ALG1: variants seen among roughly 807,000 people sequenced by gnomAD.
The protein encoded by ALG1 is ALG1 chitobiosyldiphosphodolichol beta-mannosyltransferase, also known as chitobiosyldiphosphodolichol beta-mannosyltransferase.
ALG1 carries 58 observed loss-of-function variants against 55.1 expected under a neutral mutation model. That is an observed-to-expected ratio of 1.05 (90% CI 0.85 to 1.31). The LOEUF is 1.31. Among genes scored for constraint, ALG1 ranks in the 50% most tolerant of loss-of-function variants. ALG1 has a pLI of 0.00. For missense variants in ALG1, 761 were observed against 598.6 expected, an observed-to-expected ratio of 1.27 and a Z score of -2.83; for synonymous variants, 309 against 247.0, an observed-to-expected ratio of 1.25 and a Z score of -2.35.
chr16:5,073,075 G>A (rs769670590), intron 2 of ALG1, 47 bp downstream of exon 2: 7 of 1,610,576 alleles, frequency 4.3e-6, no homozygotes, highest in Non-Finnish European at 5.9e-6. Context: ...TGGGCTGGGG[G>A]CAGGGGGTGT....
rs1322300828 is a variant in ALG1, at chr16:5,086,331, T to G, written c.*1450T>G. Among the ~76,000 whole-genome samples, 1 of 36,084 alleles carries G rather than the reference T, an allele frequency of 2.8e-5. No homozygotes were observed. The highest frequency in any genetic ancestry group is 6.3e-5 in the Non-Finnish European group (1 of 15,846). The allele number at this position is 36,084 out of a possible 152,430, so 23.7% of individuals were successfully genotyped here. ...GCCTGAGTGACAGGGTGAGACTAAG[T>G]CTCAAAAAAAAAAAAAAAAAACCAC... On this transcript the variant is annotated 3_prime_UTR_variant, in exon 13 of 13. Coordinates refer to ENST00000262374, the MANE Select transcript of ALG1 (RefSeq NM_019109.5).
chr16:5,080,075 T>TG (rs201264087), intron 9 of ALG1, among the ~76,000 whole-genome samples: 5 of 146,940 alleles, frequency 3.4e-5, no homozygotes, highest in Non-Finnish European at 7.6e-5. Flanking sequence ...ATTGGTGTCT[T>TG]TTTTTTTTTT....
At position 5,072,767 on chromosome 16, in the gene ALG1, T is replaced by G. The variant is rs8050532; in HGVS notation, c.209-184T>G. Reference sequence around the variant, plus strand: ...GTAAGATTCAGGCCCTATCTCTGTGTGCCTCCTAGAGCAATCTGAACAAGA... The same window carrying G: ...GTAAGATTCAGGCCCTATCTCTGTGGGCCTCCTAGAGCAATCTGAACAAGA... On this transcript the variant is annotated intron_variant, in intron 1 of 12. Coordinates refer to ENST00000262374, the MANE Select transcript of ALG1 (RefSeq NM_019109.5). 0.55 allele frequency among the ~76,000 whole-genome samples: 83,767 copies of G among 152,028 alleles called. 23,281 individuals carry two copies. The highest frequency in any genetic ancestry group is 0.69 in the South Asian group (3,349 of 4,826).
chr16:5,085,655 C>T lies in ALG1; in HGVS notation c.*774C>T, dbSNP rs140141371. On this transcript the variant is annotated 3_prime_UTR_variant, in exon 13 of 13. Transcript: ENST00000262374. ...TCCTACAGGGTGAGATTCAGCATTGCCATCTCCAAGTGCTCTTCGTAGGGA... is the reference window on the plus strand; with the variant it reads ...TCCTACAGGGTGAGATTCAGCATTGTCATCTCCAAGTGCTCTTCGTAGGGA... The T allele has an allele frequency of 1.2e-5, 20 of 1,610,724 alleles. 1 individual carries two copies. The African/African-American group carries it at 1.7e-4, about 14-fold the overall frequency.
intron 4 of ALG1, among the ~76,000 whole-genome samples, chr16:5,075,900 A>G (rs1264939656): frequency 1.3e-5 from 2 of 152,124 alleles, no homozygotes; most frequent in African/African-American, 2.4e-5. Flanking sequence ...TGATTGGCTC[A>G]TGTAGGTTAC....
intron 10 of ALG1, 103 bp from the exon 11 acceptor site, chr16:5,082,456 T>C (rs1345578676): frequency 4.8e-5 from 61 of 1,268,852 alleles, no homozygotes; most frequent in Non-Finnish European, 6.9e-5. Flanking sequence ...GGGGGCCTTA[T>C]CTGATTTTCA....
chr16:5,074,388 G>A (rs1369084295), intron 3 of ALG1, among the ~76,000 whole-genome samples: 2 of 152,020 alleles, frequency 1.3e-5, no homozygotes, highest in Admixed American at 6.5e-5. Context: ...GACCTCAGGT[G>A]ATCCACCTGC....
chr16:5,073,019 A>C lies in ALG1; in HGVS notation c.277A>C (p.Ser93Arg). The part of the protein sequence containing the change: ...IQIVGLTELQ[S>R]LAVGPRVFQY... Reference sequence around the variant, plus strand: ...GATTGTGGGGTTGACAGAACTTCAGAGTCTTGCAGGTAGGATGCCGTCAAC... The same window carrying C: ...GATTGTGGGGTTGACAGAACTTCAGCGTCTTGCAGGTAGGATGCCGTCAAC... Residue 93 changes from serine to arginine, a missense_variant, in exon 2 of 13, where the codon AGT (serine) becomes CGT (arginine). Ser to Arg is a moderately radical substitution (Grantham distance 110). Transcript: ENST00000262374. 6.2e-7 allele frequency: 1 copy of C among 1,614,184 alleles called. No individual in the cohort carries two copies. Among genetic ancestry groups the C allele is most frequent in the Non-Finnish European group, 8.5e-7 (1 of 1,180,022 alleles).
At chr16:5,081,946 A>G (rs1406600148) in intron 10 of ALG1, among the ~76,000 whole-genome samples, 1 of 151,728 alleles carries the variant, frequency 6.6e-6, no homozygotes, top group Non-Finnish European at 1.5e-5. Flanking sequence ...GTGGTTTATT[A>G]TTATTATCAT....
chr16:5,080,988 A>G lies in ALG1; in HGVS notation c.1004A>G (p.Gln335Arg). The part of the protein sequence containing the change: ...LREYYSRLIH[Q>R]KHFQHIQVCT... ...GAGTATTATAGCCGCCTCATCCACC[A>G]GAAGCACTTCCAGCACATCCAGGTC... Residue 335 changes from glutamine to arginine, a missense_variant, in exon 10 of 13, where the codon CAG becomes CGG. Transcript: ENST00000262374. 1.9e-6 allele frequency: 3 copies of G among 1,596,284 alleles called. No individual in the cohort carries two copies. Among genetic ancestry groups the G allele is most frequent in the Non-Finnish European group, 2.5e-6 (3 of 1,179,712 alleles).
intron 3 of ALG1, 104 bp downstream of exon 3, chr16:5,073,360 G>C: frequency 9.6e-7 from 1 of 1,043,274 alleles, no homozygotes; most frequent in East Asian, 2.5e-5. Flanking sequence ...TGTGTTGTGT[G>C]TATGGGCGTT....
At position 5,072,045 on chromosome 16, in the gene ALG1, C is replaced by T. The variant is rs753405851; in HGVS notation, c.196C>T (p.Leu66=). 8 of 1,582,052 alleles carry T rather than the reference C, an allele frequency of 5.1e-6. No individual in the cohort carries two copies. The highest frequency in any genetic ancestry group is 6.0e-6 in the Non-Finnish European group (7 of 1,164,268). Residue 66 remains leucine, a synonymous_variant, in exon 1 of 13, where the codon CTG becomes TTG. Transcript: ENST00000262374. ...CATGCACGGCTTCTCGGTGACCCTC[C>T]TGGGGTTCTGCAGTGAGTGGCCAAG... is the stretch of plus-strand genomic sequence containing the variant. The part of the protein sequence containing the change: ...LAMHGFSVTL[L]GFCNSKPHDE...
chr16:5,082,331 AAC>A (rs1404348693), intron 10 of ALG1, among the ~76,000 whole-genome samples: 6 of 134,388 alleles, frequency 4.5e-5, no homozygotes, highest in East Asian at 2.1e-4. Context: ...ACAACACAAC[AAC>A]AAAAAAACCA....
chr16:5,072,964 T>C lies in ALG1; in HGVS notation c.222T>C (p.His74=), dbSNP rs139803689. The C allele has an allele frequency of 1.9e-6, 3 of 1,614,176 alleles. No homozygotes were observed. The highest frequency in any genetic ancestry group is 2.5e-6 in the Non-Finnish European group (3 of 1,180,016). Residue 74 remains histidine, a synonymous_variant, in exon 2 of 13, where the codon CAT becomes CAC. Coordinates refer to ENST00000262374, the MANE Select transcript of ALG1 (RefSeq NM_019109.5). ...TLLGFCNSKP[H]DELLQNNRIQ... is the part of the protein sequence containing the mutation. ...CTCATTTTTCAGACTCCAAACCCCATGATGAGCTCTTGCAGAACAACAGAA... is the reference window on the plus strand; with the variant it reads ...CTCATTTTTCAGACTCCAAACCCCACGATGAGCTCTTGCAGAACAACAGAA...
intron 11 of ALG1, among the ~76,000 whole-genome samples, chr16:5,082,874 G>A (rs1021461536): frequency 2.6e-5 from 4 of 152,172 alleles, no homozygotes; most frequent in Non-Finnish European, 5.9e-5. Flanking sequence ...TAGAGCTCAT[G>A]TTATATTTAG....
intron 3 of ALG1, among the ~76,000 whole-genome samples, chr16:5,074,705 A>G (rs1956877418): frequency 6.6e-6 from 1 of 152,246 alleles, no homozygotes; most frequent in Non-Finnish European, 1.5e-5. Context: ...ATAGCTTTAG[A>G]GTAAGGTTGG....
At position 5,085,606 on chromosome 16, in the gene ALG1, A is replaced by C. The variant is rs780301989; in HGVS notation, c.*725A>C. 1.7e-5 allele frequency: 25 copies of C among 1,489,058 alleles called. No homozygotes were observed. Among genetic ancestry groups the C allele is most frequent in the Non-Finnish European group, 2.1e-5 (22 of 1,067,804 alleles). 92.2% of individuals were successfully genotyped at this position (1,489,058 alleles called of 1,614,324 possible). ...CCCATGAGAGTGACTTGATTCTCAC[A>C]ATCCCGTTGGAGTCGTGTGTGAGTC... On this transcript the variant is annotated 3_prime_UTR_variant, in exon 13 of 13. Coordinates refer to ENST00000262374, the MANE Select transcript of ALG1 (RefSeq NM_019109.5).
intron 6 of ALG1, 42 bp from the exon 7 acceptor site, chr16:5,078,715 C>T: frequency 6.2e-7 from 1 of 1,612,108 alleles, no homozygotes; most frequent in Non-Finnish European, 8.5e-7. Flanking sequence ...GGTCCCGGGC[C>T]TGCTCTATGG....
chr16:5,083,542 C>T, intron 11 of ALG1, 140 bp from the exon 12 acceptor site: 2 of 1,522,882 alleles, frequency 1.3e-6, no homozygotes, highest in Non-Finnish European at 1.8e-6. Flanking sequence ...AATCTAAGAA[C>T]CAGCTCCCGG....
Sources: gnomAD v4.1 joint callset for allele counts (sites outside exome capture counted in the v4.1 genomes callset) on GRCh38, gnomAD v4.1.1 for gene constraint, MANE v1.5 for transcripts, NCBI Gene and HGNC (gene_info 2026-07-23, HGNC 2026-07-21) for gene names.